The following TMPRSS15 variants were observed in gnomAD, a reference collection of about 807,000 sequenced individuals.
TMPRSS15 encodes the protein transmembrane serine protease 15.
In TMPRSS15, 128 loss-of-function variants were observed where a neutral mutation model predicts 125.3. The observed-to-expected ratio is 1.02, with a 90% CI of 0.89 to 1.18. The LOEUF (loss-of-function observed/expected upper bound fraction) is 1.18, where lower values mean the gene tolerates loss of function less well. Among genes scored for constraint, TMPRSS15 ranks in the 50% most tolerant of loss-of-function variants. TMPRSS15 has a pLI of 0.00. For synonymous variants in TMPRSS15, 446 were observed against 423.2 expected (o/e 1.05, Z -0.66); for missense variants, 1,283 against 1,212.7 (o/e 1.06, Z -0.86).
At chr21:18,386,185 T>A (rs2075942196) in intron 3 of TMPRSS15, among the ~76,000 whole-genome samples, 2 of 152,192 alleles carry the variant, frequency 1.3e-5, no homozygotes, top group South Asian at 4.1e-4. Context: ...AAGCTGAATA[T>A]TGGCCAATAT....
chr21:18,352,351 C>T (rs909541556), intron 10 of TMPRSS15, among the ~76,000 whole-genome samples: 1 of 152,032 alleles, frequency 6.6e-6, no homozygotes. Flanking sequence ...TAGAATCAGA[C>T]TTCCATAGGG....
intron 1 of TMPRSS15, among the ~76,000 whole-genome samples, chr21:18,433,679 A>AAAAAAAAAAAAAAAAAAAT (rs2076221509): frequency 6.6e-6 from 1 of 151,202 alleles, no homozygotes; most frequent in African/African-American, 2.4e-5. Flanking sequence ...AAAAAAAAAA[A>AAAAAAAAAAAAAAAAAAAT]AAAAAAAGAA....
At chr21:18,406,335 C>T (rs1326787397), upstream of TMPRSS15, among the ~76,000 whole-genome samples, 4 of 152,158 alleles carry the variant, frequency 2.6e-5, no homozygotes, top group East Asian at 5.8e-4. Flanking sequence ...TCTGGCACTT[C>T]GAGTTACTCT....
chr21:18,333,133 T>A (rs9983637), intron 13 of TMPRSS15, among the ~76,000 whole-genome samples: 2 of 151,864 alleles, frequency 1.3e-5, no homozygotes, highest in East Asian at 3.9e-4. Flanking sequence ...TCAGGAAAAA[T>A]CACTTGTGAG....
intron 8 of TMPRSS15, among the ~76,000 whole-genome samples, chr21:18,355,314 C>T (rs577260113): frequency 6.6e-6 from 1 of 151,876 alleles, no homozygotes; most frequent in African/African-American, 2.4e-5. Flanking sequence ...GGTTCAACCA[C>T]ACCCTTAGTG....
intron 6 of TMPRSS15, among the ~76,000 whole-genome samples, chr21:18,366,436 T>C (rs912506283): frequency 6.6e-6 from 1 of 152,230 alleles, no homozygotes; most frequent in African/African-American, 2.4e-5. Context: ...CTTTTGGTTT[T>C]CATAGTAGAT....
intron 1 of TMPRSS15, among the ~76,000 whole-genome samples, chr21:18,478,778 AC>A (rs1208252210): frequency 1.3e-5 from 2 of 152,026 alleles, no homozygotes; most frequent in Non-Finnish European, 2.9e-5. Context: ...CAATCTTCTC[AC>A]ATTTTATGAG....
intron 1 of TMPRSS15, among the ~76,000 whole-genome samples, chr21:18,413,133 T>A (rs1164760853): frequency 6.6e-6 from 1 of 152,106 alleles, no homozygotes; most frequent in Non-Finnish European, 1.5e-5. Flanking sequence ...TTCAATAAAA[T>A]TGTAACTATG....
chr21:18,281,987 C>CT (rs1253264281), intron 21 of TMPRSS15, among the ~76,000 whole-genome samples: 1 of 149,506 alleles, frequency 6.7e-6, no homozygotes, highest in Non-Finnish European at 1.5e-5. Context: ...GTCCCAGCTA[C>CT]TTCGGGGGGC....
intron 6 of TMPRSS15, among the ~76,000 whole-genome samples, chr21:18,366,719 G>A (rs2075741384): frequency 1.3e-5 from 2 of 151,952 alleles, no homozygotes; most frequent in Admixed American, 1.3e-4. Flanking sequence ...CTTACAATGT[G>A]TCTTTTTCTC....
chr21:18,406,124 G>C (rs2076151081), upstream of TMPRSS15, among the ~76,000 whole-genome samples: 1 of 152,114 alleles, frequency 6.6e-6, no homozygotes, highest in African/African-American at 2.4e-5. Flanking sequence ...GTGAAGAGAT[G>C]GAGGGTGATA....
chr21:18,331,051 C>A (rs1053083858), intron 14 of TMPRSS15, among the ~76,000 whole-genome samples: 1 of 126,482 alleles, frequency 7.9e-6, no homozygotes, highest in Non-Finnish European at 1.6e-5. Flanking sequence ...CCAGCCTGGG[C>A]GACAGAGCGA....
chr21:18,290,669 T>C (rs1476441878), intron 21 of TMPRSS15, among the ~76,000 whole-genome samples: 1 of 152,142 alleles, frequency 6.6e-6, no homozygotes, highest in Non-Finnish European at 1.5e-5. Flanking sequence ...ATGGCAAACA[T>C]GCAAACAAAA....
chr21:18,407,543 C>A (rs2076155608), upstream of TMPRSS15, among the ~76,000 whole-genome samples: 1 of 149,086 alleles, frequency 6.7e-6, no homozygotes, highest in Non-Finnish European at 1.5e-5. Flanking sequence ...GCTTCCTGGG[C>A]TCAAGCAATC....
chr21:18,281,141 G>T lies in TMPRSS15; in HGVS notation c.2567C>A (p.Pro856His). Residue 856 changes from proline to histidine, a missense_variant, in exon 22 of 25, where the codon CCT (proline) becomes CAT (histidine). Pro to His is a moderately conservative substitution (Grantham distance 77). Coordinates refer to ENST00000284885, the MANE Select transcript of TMPRSS15 (RefSeq NM_002772.3). ...TATGACAATTTCATCTATTAATCGA[G>T]GGACTGTTTGAGGAGAGGTCAGATT... ...KSNLTSPQTV[P>H]RLIDEIVINP... 6.2e-7 allele frequency: 1 copy of T among 1,613,918 alleles called. No individual in the cohort carries two copies. Among genetic ancestry groups the T allele is most frequent in the Non-Finnish European group, 8.5e-7 (1 of 1,179,988 alleles).
At chr21:18,449,976 C>G (rs1220599781) in intron 1 of TMPRSS15, among the ~76,000 whole-genome samples, 1 of 151,978 alleles carries the variant, frequency 6.6e-6, no homozygotes, top group Non-Finnish European at 1.5e-5. Flanking sequence ...ATATGTAGCA[C>G]TTATGAGATT....
At chr21:18,373,807 C>A (rs1342527943) in intron 5 of TMPRSS15, among the ~76,000 whole-genome samples, 1 of 152,164 alleles carries the variant, frequency 6.6e-6, no homozygotes, top group Non-Finnish European at 1.5e-5. Flanking sequence ...CAAAACCACA[C>A]CAGCAAGTCA....
Position 18,465,611 on chromosome 21 carries a change from C to A in TMPRSS15, c.10+20188G>T, listed in dbSNP as rs1321234450. On this transcript the variant is annotated intron_variant, in intron 1 of 7. Transcript: ENST00000422787. ...CAAAAATCACAGGCATTCCTATAAA[C>A]AAATAACAGACAAACAGAGAGCCAA... 2.0e-5 allele frequency among the ~76,000 whole-genome samples: 3 copies of A among 152,084 alleles called. No homozygotes were observed. In the South Asian group the frequency reaches 6.2e-4, roughly 32 times the overall value.
Position 18,326,433 on chromosome 21 carries a change from T to G in TMPRSS15, c.1920A>C (p.Pro640=), listed in dbSNP as rs2075291361. ...AATGTGTGATTTATGGGCTCCTACCTGGAATCCCCAAGTGATAGCCAGTAG... is the reference window on the plus strand; with the variant it reads ...AATGTGTGATTTATGGGCTCCTACCGGGAATCCCCAAGTGATAGCCAGTAG... ...NFTTGYHLGI[P]EPCKADHFQC... Residue 640 remains proline, a splice_region_variant and synonymous_variant, in exon 16 of 25, where the codon CCA becomes CCC. Transcript: ENST00000284885. 6.2e-7 allele frequency: 1 copy of G among 1,614,158 alleles called. No homozygotes were observed. The highest frequency in any genetic ancestry group is 1.3e-5 in the African/African-American group (1 of 75,060).
Sources: allele counts gnomAD v4.1 joint callset (sites outside exome capture counted in the v4.1 genomes callset), GRCh38; gene constraint gnomAD v4.1.1; transcripts MANE v1.5; gene names NCBI Gene and HGNC (gene_info 2026-07-23, HGNC 2026-07-21).